DMD: variants seen among roughly 807,000 people sequenced by gnomAD.
The protein encoded by DMD is mutant dystrophin.
In DMD, 63 loss-of-function variants were observed where a neutral mutation model predicts 330.1. The observed-to-expected ratio is 0.19, with a 90% CI of 0.16 to 0.24. DMD has a LOEUF of 0.24. Ranked by LOEUF, DMD falls within the 10% of genes least tolerant of loss-of-function variation. The probability of loss-of-function intolerance (pLI) is 1.00; values close to 1 mark genes in which losing one functional copy is unlikely to be tolerated. For synonymous variants in DMD, 1,223 were observed against 959.8 expected (o/e 1.27, Z -5.07); for missense variants, 3,344 against 2,684.1 (o/e 1.25, Z -5.43).
chrX:32,292,936 C>T (rs967008949), intron 42 of DMD, among the ~76,000 whole-genome samples: 1 of 112,161 alleles, frequency 8.9e-6, no homozygotes, highest in Non-Finnish European at 1.9e-5. Flanking sequence ...TTTATCAGCT[C>T]AGCAACAGGA....
intron 1 of DMD, among the ~76,000 whole-genome samples, chrX:33,331,737 G>A (rs2054180577): frequency 9.0e-6 from 1 of 111,009 alleles, no homozygotes; most frequent in South Asian, 3.8e-4. Flanking sequence ...CTCTATAAAC[G>A]TTTGCTCAAA....
intron 44 of DMD, among the ~76,000 whole-genome samples, chrX:32,211,373 A>G (rs1261401609): frequency 8.9e-6 from 1 of 112,290 alleles, no homozygotes; most frequent in African/African-American, 3.2e-5. Context: ...ATGCTCAATG[A>G]CAATGAATAA....
At chrX:32,807,489 G>C (rs1395371535) in intron 7 of DMD, among the ~76,000 whole-genome samples, 1 of 111,200 alleles carries the variant, frequency 9.0e-6, no homozygotes, top group Non-Finnish European at 1.9e-5. Context: ...ATTACATTTT[G>C]TTGATTTTAA....
At chrX:32,359,264 T>C (rs1009679992) in intron 37 of DMD, among the ~76,000 whole-genome samples, 2 of 111,442 alleles carry the variant, frequency 1.8e-5, no homozygotes, top group African/African-American at 6.5e-5. Flanking sequence ...GACATGGGAG[T>C]ACCCCACTTT....
At chrX:31,428,993 A>G (rs373451073) in intron 60 of DMD, among the ~76,000 whole-genome samples, 1,407 of 109,943 alleles carry the variant, frequency 0.013, 12 homozygotes, top group Middle Eastern at 0.023. Flanking sequence ...GTGGTGGTGG[A>G]TGCCTGTAGT....
chrX:32,033,680 A>G (rs868023309), intron 44 of DMD, among the ~76,000 whole-genome samples: 1,994 of 102,668 alleles, frequency 0.019, 31 homozygotes, highest in Non-Finnish European at 0.032. Context: ...AAGGAAGGAA[A>G]GAAAGAAAGA....
rs183322722 is a variant in DMD at position 31,438,442 on chromosome X, G to A, written c.9084+6039C>T. ...AATCATTTGAAACTTGGTATGTGGAGCCCAGTTATCTGTGTTTTAATAAGC... is the reference window on the plus strand; with the variant it reads ...AATCATTTGAAACTTGGTATGTGGAACCCAGTTATCTGTGTTTTAATAAGC... On this transcript the variant is annotated intron_variant, in intron 60 of 78. Transcript: ENST00000357033. Among the ~76,000 whole-genome samples the A allele has an allele frequency of 5.4e-3, 598 of 111,572 alleles. 3 individuals carry two copies. Among genetic ancestry groups the A allele is most frequent in the African/African-American group, 0.019 (582 of 30,780 alleles).
At chrX:31,799,747 G>A (rs1237575734) in intron 50 of DMD, among the ~76,000 whole-genome samples, 3 of 112,239 alleles carry the variant, frequency 2.7e-5, no homozygotes, top group Non-Finnish European at 5.6e-5. Flanking sequence ...CCGCCTATGA[G>A]CCTGAAAATC....
chrX:32,107,338 ATGTG>A (rs34502564), intron 44 of DMD, among the ~76,000 whole-genome samples: 1,282 of 88,742 alleles, frequency 0.014, 13 homozygotes, highest in Middle Eastern at 0.035. Context: ...ATATAATTAT[ATGTG>A]TGTGTGTGTG....
intron 60 of DMD, among the ~76,000 whole-genome samples, chrX:31,426,629 C>T (rs1029482396): frequency 3.6e-5 from 4 of 112,158 alleles, no homozygotes; most frequent in South Asian, 3.7e-4. Context: ...TTCCTAACCT[C>T]GTGTACATTC....
At chrX:32,664,152 G>C (rs1359438240) in intron 9 of DMD, among the ~76,000 whole-genome samples, 1 of 110,570 alleles carries the variant, frequency 9.0e-6, no homozygotes, top group East Asian at 2.9e-4. Flanking sequence ...CACTAATTTA[G>C]ACCAGAGGTG....
At chrX:31,984,516 T>C (rs190661688) in intron 44 of DMD, among the ~76,000 whole-genome samples, 91 of 112,533 alleles carry the variant, frequency 8.1e-4, no homozygotes, top group Non-Finnish European at 1.5e-3. Context: ...TTCTGTCCAC[T>C]ATCAATCAAA....
chrX:32,713,184 T>G (rs1011125027), intron 7 of DMD, among the ~76,000 whole-genome samples: 4 of 112,074 alleles, frequency 3.6e-5, no homozygotes, highest in Admixed American at 9.5e-5. Context: ...CGCATTTACA[T>G]TTAAACAAAT....
intron 13 of DMD, among the ~76,000 whole-genome samples, chrX:32,592,783 T>G (rs1016186795): frequency 1.8e-5 from 2 of 112,306 alleles, no homozygotes; most frequent in African/African-American, 6.5e-5. Flanking sequence ...GCCAGGGTTG[T>G]GGCATGCTGT....
At chrX:31,399,496 A>C (rs1453525097) in intron 60 of DMD, among the ~76,000 whole-genome samples, 1 of 109,016 alleles carries the variant, frequency 9.2e-6, no homozygotes, top group Non-Finnish European at 1.9e-5. Flanking sequence ...GAGGGAAAAC[A>C]GGGATGTAAG....
chrX:31,615,739 G>A (rs1473066963), intron 55 of DMD, among the ~76,000 whole-genome samples: 1 of 111,734 alleles, frequency 8.9e-6, no homozygotes, highest in East Asian at 2.8e-4. Flanking sequence ...AATATTTCAA[G>A]CATAGTTTCA....
intron 2 of DMD, among the ~76,000 whole-genome samples, chrX:32,886,659 GGC>G (rs2084617805): frequency 9.0e-6 from 1 of 110,852 alleles, no homozygotes; most frequent in African/African-American, 3.3e-5. Flanking sequence ...CTCCAGCCTG[GGC>G]GACAGAGCAA....
chrX:31,471,061 G>A (rs1347078677), intron 59 of DMD, among the ~76,000 whole-genome samples: 1 of 111,927 alleles, frequency 8.9e-6, no homozygotes, highest in African/African-American at 3.2e-5. Flanking sequence ...AGAATTTCAA[G>A]CCAGTGGATC....
chrX:32,586,835 T>C (rs571155997), intron 13 of DMD, among the ~76,000 whole-genome samples: 2 of 111,030 alleles, frequency 1.8e-5, no homozygotes, highest in South Asian at 7.6e-4. Context: ...ATTTGTGATA[T>C]AGGGTTGGCA....
Sources: gnomAD v4.1 joint callset for allele counts (sites outside exome capture counted in the v4.1 genomes callset) on GRCh38, gnomAD v4.1.1 for gene constraint, MANE v1.5 for transcripts, NCBI Gene and HGNC (gene_info 2026-07-23, HGNC 2026-07-21) for gene names.